Variants in TMEM132D observed in about 807,000 individuals in gnomAD.
The protein encoded by TMEM132D is transmembrane protein 132D.
In TMEM132D, 21 loss-of-function variants were observed where a neutral mutation model predicts 62.3. The ratio of observed to expected loss-of-function variants is 0.34; its 90% CI spans 0.24 to 0.49. The LOEUF (loss-of-function observed/expected upper bound fraction) is 0.49. Ranked by LOEUF, TMEM132D falls within the 20% of genes least tolerant of loss-of-function variation. The pLI is 0.99. For missense variants in TMEM132D, 1,346 were observed against 1,402.8 expected (o/e 0.96, Z 0.65); for synonymous variants, 621 against 575.6 (o/e 1.08, Z -1.13).
intron 1 of TMEM132D, among the ~76,000 whole-genome samples, chr12:129,842,383 G>A (rs1447583567): frequency 2.6e-5 from 4 of 152,110 alleles, no homozygotes; most frequent in East Asian, 1.9e-4. Context: ...GGACTGGGTC[G>A]TTCTGTGAAG....
In TMEM132D at chr12:129,074,837, A is replaced by G; in HGVS notation, c.2338T>C (p.Ser780Pro). The change falls in exon 9 of 9, where the codon TCC (serine) becomes CCC (proline). Residue 780 changes from serine (S) to proline (P), a missense_variant. By Grantham distance (74) the Ser-to-Pro change is moderately conservative (BLOSUM62 -1). Transcript: ENST00000422113. ...EMVISESCQK[S>P]KRKSVLAVGT... Reference sequence around the variant, plus strand: ...ACAGCTAACACACTCTTCCGCTTGGATTTCTGGCAGGATTCACTAATAACC... The same window carrying G: ...ACAGCTAACACACTCTTCCGCTTGGGTTTCTGGCAGGATTCACTAATAACC... The G allele has an allele frequency of 6.2e-7, 1 of 1,613,884 alleles. No individual in the cohort carries two copies. Among genetic ancestry groups the G allele is most frequent in the Non-Finnish European group, 8.5e-7 (1 of 1,180,020 alleles).
At chr12:129,413,437 T>C (rs1471600523) in intron 3 of TMEM132D, among the ~76,000 whole-genome samples, 25 of 152,210 alleles carry the variant, frequency 1.6e-4, no homozygotes, top group Admixed American at 1.6e-3. Context: ...TTTTTCTTTA[T>C]AAATTACACA....
At chr12:129,301,593 C>A in intron 4 of TMEM132D, among the ~76,000 whole-genome samples, 1 of 152,202 alleles carries the variant, frequency 6.6e-6, no homozygotes, top group East Asian at 1.9e-4. Context: ...TCAGTTTCAT[C>A]CATAAAGACA....
chr12:129,535,707 T>G (rs1305600090), intron 2 of TMEM132D, among the ~76,000 whole-genome samples: 2 of 151,698 alleles, frequency 1.3e-5, no homozygotes, highest in Non-Finnish European at 2.9e-5. Flanking sequence ...GCAAAATTGA[T>G]GAGATAAAAG....
intron 3 of TMEM132D, among the ~76,000 whole-genome samples, chr12:129,520,071 G>A (rs1875806348): frequency 6.6e-6 from 1 of 152,200 alleles, no homozygotes; most frequent in African/African-American, 2.4e-5. Context: ...TTTTGTTAGT[G>A]TGGGGCATCT....
intron 1 of TMEM132D, among the ~76,000 whole-genome samples, chr12:129,743,912 C>G (rs11060526): frequency 0.1 from 15,721 of 152,176 alleles, 878 homozygotes; most frequent in South Asian, 0.2. Context: ...ACAGCTCTGC[C>G]TATACTTCCA....
intron 1 of TMEM132D, among the ~76,000 whole-genome samples, chr12:129,762,082 G>A (rs1246112705): frequency 1.3e-5 from 2 of 152,080 alleles, no homozygotes; most frequent in Non-Finnish European, 2.9e-5. Flanking sequence ...ATTAGAAAAG[G>A]GAACCTGGGG....
intron 3 of TMEM132D, among the ~76,000 whole-genome samples, chr12:129,366,409 C>T (rs1870414547): frequency 6.6e-6 from 1 of 152,208 alleles, no homozygotes; most frequent in Non-Finnish European, 1.5e-5. Context: ...TGCTCCCTCT[C>T]TCTTGCTCCT....
chr12:129,767,978 TTCCCTTTA>T (rs57161240), intron 1 of TMEM132D, among the ~76,000 whole-genome samples: 92,665 of 151,748 alleles, frequency 0.61, 29,773 homozygotes, highest in Middle Eastern at 0.77. Context: ...GCAGAAAAAC[TTCCCTTTA>T]TAAAAGCATC....
intron 5 of TMEM132D, among the ~76,000 whole-genome samples, chr12:129,193,300 G>A (rs1000267438): frequency 5.3e-5 from 8 of 152,034 alleles, no homozygotes; most frequent in African/African-American, 7.2e-5. Flanking sequence ...TAATGCAGCT[G>A]TTGCCAATAT....
rs371851575 is a variant in TMEM132D, at chr12:129,115,526, G to A, written c.1444-30824C>T. On this transcript the variant is annotated intron_variant, in intron 5 of 8. Coordinates refer to ENST00000422113, the MANE Select transcript of TMEM132D (RefSeq NM_133448.3). Reference sequence around the variant, plus strand: ...AAATCTCTTACTAAAGAGGGCTGGCGTCAGGGCATATTCCTGTGTTATTAA... The same window carrying A: ...AAATCTCTTACTAAAGAGGGCTGGCATCAGGGCATATTCCTGTGTTATTAA... 7.2e-4 allele frequency among the ~76,000 whole-genome samples: 109 copies of A among 152,310 alleles called. No individual in the cohort carries two copies. The South Asian group carries it at 0.021, about 30-fold the overall frequency.
chr12:129,749,420 T>A (rs1162124067), intron 1 of TMEM132D, among the ~76,000 whole-genome samples: 1 of 152,070 alleles, frequency 6.6e-6, no homozygotes, highest in African/African-American at 2.4e-5. Flanking sequence ...AGGCAACAGC[T>A]TAATTTTTAG....
At chr12:129,556,328 C>T (rs1250270457) in intron 2 of TMEM132D, among the ~76,000 whole-genome samples, 2 of 152,154 alleles carry the variant, frequency 1.3e-5, no homozygotes, top group African/African-American at 4.8e-5. Flanking sequence ...CACCTGCCCA[C>T]CTGACACCTG....
At chr12:129,084,348 A>C in intron 6 of TMEM132D, 149 bp downstream of exon 6, 1 of 681,022 alleles carries the variant, frequency 1.5e-6, no homozygotes, top group Non-Finnish European at 2.2e-6. Flanking sequence ...ATAAAGAATG[A>C]AGCCAACACA....
intron 3 of TMEM132D, among the ~76,000 whole-genome samples, chr12:129,410,071 C>T (rs1305006615): frequency 1.3e-5 from 2 of 152,206 alleles, no homozygotes; most frequent in Non-Finnish European, 2.9e-5. Flanking sequence ...CCCAGTGGAA[C>T]TTTGTCCCAT....
intron 2 of TMEM132D, among the ~76,000 whole-genome samples, chr12:129,695,483 C>G (rs1422396395): frequency 1.3e-5 from 2 of 152,204 alleles, no homozygotes; most frequent in Admixed American, 6.5e-5. Flanking sequence ...CTATCAATCC[C>G]CACTAGGGTA....
intron 3 of TMEM132D, among the ~76,000 whole-genome samples, chr12:129,480,801 AG>A (rs1342793359): frequency 6.6e-6 from 1 of 152,182 alleles, no homozygotes; most frequent in Admixed American, 6.5e-5. Flanking sequence ...GCTCGAATGA[AG>A]TGCATGTGTC....
intron 2 of TMEM132D, among the ~76,000 whole-genome samples, chr12:129,575,149 T>C (rs1251768513): frequency 6.6e-6 from 1 of 151,886 alleles, no homozygotes; most frequent in Non-Finnish European, 1.5e-5. Context: ...CCCTTTCTTA[T>C]GATTTTCCGA....
intron 2 of TMEM132D, among the ~76,000 whole-genome samples, chr12:129,549,350 A>G (rs753669162): frequency 6.6e-6 from 1 of 151,038 alleles, no homozygotes; most frequent in Admixed American, 6.6e-5. Context: ...CTCATCTTGA[A>G]TTGTAGCTCC....
Sources: allele counts gnomAD v4.1 joint callset (sites outside exome capture counted in the v4.1 genomes callset), GRCh38; gene constraint gnomAD v4.1.1; transcripts MANE v1.5; gene names NCBI Gene and HGNC (gene_info 2026-07-23, HGNC 2026-07-21).